Variants in SHPRH observed in about 807,000 individuals in gnomAD.
SHPRH encodes E3 ubiquitin-protein ligase SHPRH.
In SHPRH, 106 loss-of-function variants were observed where a neutral mutation model predicts 202.5. The observed-to-expected ratio is 0.52, with a 90% CI of 0.45 to 0.62. The LOEUF (loss-of-function observed/expected upper bound fraction) is 0.62, where lower values mean the gene tolerates loss of function less well. SHPRH is among the 20% of genes least tolerant of loss of function. The pLI is 0.00. For missense variants in SHPRH, 1,710 were observed against 2,020.0 expected (o/e 0.85, Z 2.94); for synonymous variants, 729 against 686.0 (o/e 1.06, Z -0.98).
chr6:145,919,581 A>T, intron 21 of SHPRH, 90 bp from the exon 22 acceptor site: 1 of 1,451,742 alleles, frequency 6.9e-7, no homozygotes, highest in Non-Finnish European at 9.3e-7. Context: ...AAAAGTCTTC[A>T]ATGAGATCTT....
intron 27 of SHPRH, 93 bp from the exon 28 acceptor site, chr6:145,893,486 A>C: frequency 3.5e-6 from 4 of 1,153,330 alleles, no homozygotes; most frequent in Non-Finnish European, 4.6e-6. Flanking sequence ...AATGCTATCT[A>C]TTACTATTGT....
Position 145,934,982 on chromosome 6 carries a change from T to C in SHPRH, c.2915A>G (p.Tyr972Cys), listed in dbSNP as rs527819953. ...GGCCTGTCTGAGCCTCAGCAATGGA[T>C]ACAGGATAGAGGTGACAGTCCTTCT... is the stretch of plus-strand genomic sequence containing the variant. Reference protein sequence around the residue: ...LDRRTVTSILYPLLRLRQACC... With the variant: ...LDRRTVTSILCPLLRLRQACC... Residue 972 changes from tyrosine to cysteine, a missense_variant, in exon 13 of 30, where the codon TAT becomes TGT. Tyr to Cys is a radical substitution (Grantham distance 194, BLOSUM62 -2). Around this residue, in one of 8 missense-constraint regions of SHPRH, gnomAD observed 3 missense variants for 19.3 expected, o/e 0.16. Coordinates refer to ENST00000275233, the MANE Select transcript of SHPRH (RefSeq NM_001042683.3). The C allele has an allele frequency of 6.2e-7, 1 of 1,614,050 alleles. No homozygotes were observed. The highest frequency in any genetic ancestry group is 1.3e-5 in the African/African-American group (1 of 75,014).
At chr6:145,895,054 ACT>A in intron 25 of SHPRH, 77 bp from the exon 26 acceptor site, 2 of 1,238,836 alleles carry the variant, frequency 1.6e-6, no homozygotes, top group Non-Finnish European at 2.3e-6. Context: ...AATACAAAGT[ACT>A]TTTTATTATC....
chr6:145,949,369 T>C (rs1582811439), intron 4 of SHPRH, among the ~76,000 whole-genome samples: 1 of 151,966 alleles, frequency 6.6e-6, no homozygotes, highest in Non-Finnish European at 1.5e-5. Context: ...GGCAGGTGTG[T>C]ATACACACCA....
intron 25 of SHPRH, chr6:145,906,385 G>C (rs1782959992): frequency 6.6e-6 from 1 of 151,972 alleles, no homozygotes; most frequent in Admixed American, 6.6e-5. Flanking sequence ...AGTCACATCT[G>C]GCAGGCCTGT....
chr6:145,863,932 CTAAA>C (rs1779661417), downstream of SHPRH, among the ~76,000 whole-genome samples: 1 of 152,086 alleles, frequency 6.6e-6, no homozygotes. Context: ...CAAATTGTTG[CTAAA>C]TAGATTTTGT....
At chr6:145,918,401 ATT>A (rs74909823) in intron 22 of SHPRH, 169 bp from the exon 23 acceptor site, 8,498 of 313,636 alleles carry the variant, frequency 0.027, no homozygotes, top group East Asian at 0.037. Context: ...ATTTCAAATG[ATT>A]TTTTTTTTTT....
At chr6:145,868,464 C>A (rs1779902893) in intron 2 of SHPRH, among the ~76,000 whole-genome samples, 1 of 151,546 alleles carries the variant, frequency 6.6e-6, no homozygotes, top group Non-Finnish European at 1.5e-5. Context: ...ACCCAAGTTG[C>A]TCTGAGTTCT....
At chr6:145,888,896 G>A (rs921057310) in intron 28 of SHPRH, among the ~76,000 whole-genome samples, 4 of 152,306 alleles carry the variant, frequency 2.6e-5, no homozygotes, top group African/African-American at 9.6e-5. Flanking sequence ...ACTGGCATGT[G>A]AGATGTGAAA....
At chr6:145,952,593 T>C (rs1024287164) in intron 2 of SHPRH, 115 bp from the exon 3 acceptor site, 6 of 926,546 alleles carry the variant, frequency 6.5e-6, no homozygotes, top group Non-Finnish European at 9.0e-6. Context: ...ATAGCATGTG[T>C]GACACAAACA....
intron 10 of SHPRH, 77 bp downstream of exon 10, chr6:145,941,546 A>G: frequency 6.4e-7 from 1 of 1,569,800 alleles, no homozygotes; most frequent in Non-Finnish European, 8.6e-7. Flanking sequence ...TGCTTAAACT[A>G]TTAAACTACT....
intron 3 of SHPRH, chr6:145,952,014 A>G (rs1788030746): frequency 1.5e-5 from 6 of 398,774 alleles, no homozygotes; most frequent in South Asian, 9.1e-5. Flanking sequence ...GGTGGAATAA[A>G]CGCCAGCCAA....
chr6:145,859,956 A>G (rs1377583767), downstream of SHPRH, among the ~76,000 whole-genome samples: 1 of 152,084 alleles, frequency 6.6e-6, no homozygotes, highest in African/African-American at 2.4e-5. Flanking sequence ...CTAGACAACA[A>G]TTAGCTTTTT....
At chr6:145,916,731 T>C (rs1783988348) in intron 23 of SHPRH, among the ~76,000 whole-genome samples, 1 of 152,170 alleles carries the variant, frequency 6.6e-6, no homozygotes, top group South Asian at 2.1e-4. Context: ...ATTTAAAGTA[T>C]AGAAATCTTA....
intron 16 of SHPRH, among the ~76,000 whole-genome samples, chr6:145,925,523 AGT>A (rs1014089881): frequency 8.6e-5 from 13 of 151,866 alleles, no homozygotes; most frequent in African/African-American, 2.9e-4. Flanking sequence ...CAAAACAACC[AGT>A]GCAAAAAGGC....
chr6:145,887,170 T>C (rs1215629964), intron 29 of SHPRH, among the ~76,000 whole-genome samples: 1 of 152,136 alleles, frequency 6.6e-6, no homozygotes, highest in Non-Finnish European at 1.5e-5. Flanking sequence ...ATCACTGAAG[T>C]CTGATACACA....
intron 21 of SHPRH, 27 bp from the exon 22 acceptor site, chr6:145,919,518 G>C: frequency 6.2e-7 from 1 of 1,607,940 alleles, no homozygotes; most frequent in Non-Finnish European, 8.5e-7. Flanking sequence ...GACAAACACA[G>C]TGGTAAAGCA....
chr6:145,868,466 C>G (rs1157429004), intron 2 of SHPRH, among the ~76,000 whole-genome samples: 2 of 150,916 alleles, frequency 1.3e-5, no homozygotes, highest in Non-Finnish European at 2.9e-5. Flanking sequence ...CCAAGTTGCT[C>G]TGAGTTCTAA....
intron 16 of SHPRH, among the ~76,000 whole-genome samples, chr6:145,925,133 A>G (rs566884618): frequency 6.6e-6 from 1 of 151,720 alleles, no homozygotes; most frequent in East Asian, 1.9e-4. Flanking sequence ...CAAAGAGGGG[A>G]AAAAAAGAAC....
Sources: allele counts gnomAD v4.1 joint callset (sites outside exome capture counted in the v4.1 genomes callset), GRCh38; gene constraint gnomAD v4.1.1; regional missense constraint gnomAD v4.1.1; transcripts MANE v1.5; gene names NCBI Gene and HGNC (gene_info 2026-07-23, HGNC 2026-07-21).